Variants in RAB40B observed in about 807,000 individuals in gnomAD.
RAB40B encodes the protein ras-related protein Rab-40B.
RAB40B carries 21 observed loss-of-function variants against 24.0 expected under a neutral mutation model. The ratio of observed to expected loss-of-function variants is 0.88; its 90% confidence interval spans 0.62 to 1.26. The LOEUF is 1.26. Among genes scored for constraint, RAB40B ranks in the 50% most tolerant of loss-of-function variants. The probability of loss-of-function intolerance (pLI) is 0.00; values close to 1 mark genes in which losing one functional copy is unlikely to be tolerated. For missense variants in RAB40B, 348 were observed against 390.5 expected, an observed-to-expected ratio of 0.89 and a Z score of 0.92; for synonymous variants, 167 against 169.8, an observed-to-expected ratio of 0.98 and a Z score of 0.13.
At chr17:82,673,311 A>G (rs2046359129) in intron 1 of RAB40B, among the ~76,000 whole-genome samples, 1 of 152,194 alleles carries the variant, frequency 6.6e-6, no homozygotes, top group African/African-American at 2.4e-5. Flanking sequence ...CCAACTATCT[A>G]AATCTGCTCT....
rs764583570 is a variant in RAB40B at position 82,657,899 on chromosome 17, G to T, written c.801C>A (p.Pro267=). The T allele has an allele frequency of 3.7e-6, 6 of 1,612,386 alleles. No homozygotes were observed. Among genetic ancestry groups the T allele is most frequent in the Admixed American group, 3.3e-5 (2 of 59,856 alleles). ...TGCAGCTGTTTCTGGTGCAGTTTTT[G>T]GGGGGGCTCTGGGGGGGGCGGACGA... is the stretch of plus-strand genomic sequence containing the variant. ...VKLVRPPQSP[P]KNCTRNSCKI... The change falls in exon 6 of 6, where the codon CCC becomes CCA. Residue 267 remains proline (P), a synonymous_variant. Transcript: ENST00000571995.
chr17:82,677,737 G>A (rs749021840), intron 1 of RAB40B, among the ~76,000 whole-genome samples: 1 of 152,186 alleles, frequency 6.6e-6, no homozygotes, highest in Non-Finnish European at 1.5e-5. Flanking sequence ...TCCTCTTTGC[G>A]CAGGACACTT....
At chr17:82,659,018 C>T (rs1489260824) in intron 4 of RAB40B, 1 of 354,024 alleles carries the variant, frequency 2.8e-6, no homozygotes, top group Admixed American at 4.3e-5. Context: ...AGGGAGGGCC[C>T]AGGGTTGCTG....
Position 82,677,391 on chromosome 17 carries a change from A to G in RAB40B, c.143-12835T>C, listed in dbSNP as rs139132148. Among the ~76,000 whole-genome samples the G allele has an allele frequency of 1.4e-4, 22 of 152,352 alleles. No individual in the cohort carries two copies. The South Asian group carries it at 3.5e-3, about 24-fold the overall frequency. ...TTCCCCTCAGAAAGAGCTAAAACCA[A>G]TCACTGGTTTCTCCCGTCCCAACAG... On this transcript the variant is annotated intron_variant, in intron 1 of 5. Coordinates refer to ENST00000571995, the MANE Select transcript of RAB40B (RefSeq NM_006822.3).
rs10438709 is a variant in RAB40B, at chr17:82,679,676, G to A, written c.143-15120C>T. Among the ~76,000 whole-genome samples the A allele has an allele frequency of 2.9e-3, 435 of 152,346 alleles. 3 individuals are homozygous for A. The highest frequency in any genetic ancestry group is 0.01 in the African/African-American group (423 of 41,574). On this transcript the variant is annotated intron_variant, in intron 1 of 5. Transcript: ENST00000571995. ...CATCAGGCTGGACAAGTGCTGCAGA[G>A]GCCACGCCAACCCTGTGCGGCCACT...
At chr17:82,672,899 T>C (rs577641678) in intron 1 of RAB40B, among the ~76,000 whole-genome samples, 1 of 152,348 alleles carries the variant, frequency 6.6e-6, no homozygotes, top group Non-Finnish European at 1.5e-5. Context: ...TTGTTTCTAC[T>C]GGAGTTAAAA....
In RAB40B at chr17:82,674,561, C is replaced by T. The variant is rs1239223734; in HGVS notation, c.143-10005G>A. Among the ~76,000 whole-genome samples, 2 of 144,770 alleles carry T rather than the reference C, an allele frequency of 1.4e-5. 1 individual carries two copies. The highest frequency in any genetic ancestry group is 3.0e-5 in the Non-Finnish European group (2 of 65,658). 95.0% of individuals were successfully genotyped at this position (144,770 alleles called of 152,430 possible). A position where few individuals can be genotyped will look rare whatever the true frequency, so the allele number is the denominator to read the frequency against. The stretch of plus-strand genomic sequence containing the variant: ...GGCTGAGGCAGGAGAATGGCGTGAA[C>T]CCAGGAGGCGGAGCTTGCAGTGAGC... On this transcript the variant is annotated intron_variant, in intron 1 of 5. Transcript: ENST00000571995.
At chr17:82,677,183 G>A (rs991141610) in intron 1 of RAB40B, among the ~76,000 whole-genome samples, 2 of 148,996 alleles carry the variant, frequency 1.3e-5, no homozygotes, top group Non-Finnish European at 3.0e-5. Context: ...CCCTGACCTC[G>A]TGATCCACCT....
chr17:82,671,636 C>G (rs1188774008), intron 1 of RAB40B, among the ~76,000 whole-genome samples: 5 of 83,246 alleles, frequency 6.0e-5, no homozygotes, highest in Admixed American at 4.4e-4. Flanking sequence ...CCCCGTAACT[C>G]TAACACACAC....
chr17:82,683,845 G>A (rs2046469381), intron 1 of RAB40B, among the ~76,000 whole-genome samples: 1 of 150,234 alleles, frequency 6.7e-6, no homozygotes, highest in Non-Finnish European at 1.5e-5. Context: ...AAAAGAAAAA[G>A]TGGGCAAAAG....
At position 82,657,396 on chromosome 17, in the gene RAB40B, C is replaced by A; in HGVS notation, c.*467G>T. The A allele has an allele frequency of 3.2e-6, 1 of 312,154 alleles. No homozygotes were observed. 19.3% of individuals were successfully genotyped at this position (312,154 alleles called of 1,614,324 possible). On this transcript the variant is annotated 3_prime_UTR_variant, in exon 6 of 6. Transcript: ENST00000571995. ...CAGTTGCACATAACCTCTACATCTG[C>A]AGCGTTTTATAAATTGGCGCTTTGA...
At chr17:82,682,352 TA>T (rs35765887) in intron 1 of RAB40B, among the ~76,000 whole-genome samples, 1 of 151,844 alleles carries the variant, frequency 6.6e-6, no homozygotes, top group East Asian at 1.9e-4. Flanking sequence ...AGTATAAATC[TA>T]AAAAAAAGTG....
At position 82,658,716 on chromosome 17, in the gene RAB40B, A is replaced by G. The variant is rs895247382; in HGVS notation, c.343-3T>C. On this transcript the variant is annotated splice_polypyrimidine_tract_variant and splice_region_variant and intron_variant, in intron 4 of 5. Transcript: ENST00000571995. ...ATCTTGGGGACTCCGGGGGCATGCT[A>G]GCGGGCAGGAGAAAGGCGAGGAGCA... The G allele has an allele frequency of 6.2e-7, 1 of 1,605,142 alleles. No homozygotes were observed. The highest frequency in any genetic ancestry group is 1.3e-5 in the African/African-American group (1 of 74,550).
rs917526076 is a variant in RAB40B, at chr17:82,663,669, G to A, written c.203+827C>T. Among the ~76,000 whole-genome samples the A allele has an allele frequency of 2.6e-5, 4 of 152,054 alleles. No individual in the cohort carries two copies. Among genetic ancestry groups the A allele is most frequent in the Admixed American group, 6.5e-5 (1 of 15,278 alleles). ...GTCTGGGTCCTCCACCCGCAGGCCC[G>A]ACCACAGCCCCGCTGGCACCAGGAC... On this transcript the variant is annotated intron_variant, in intron 2 of 5. Coordinates refer to ENST00000571995, the MANE Select transcript of RAB40B (RefSeq NM_006822.3). This position sits in a 1 kb window ranked among gnomAD's most constrained non-coding sequence, Gnocchi z 6.2.
intron 2 of RAB40B, chr17:82,661,986 G>A (rs1270883690): frequency 7.1e-6 from 7 of 985,144 alleles, no homozygotes; most frequent in Non-Finnish European, 8.4e-6. Flanking sequence ...GACAGCCAGC[G>A]CTGTTTCCCG....
chr17:82,698,481 G>T lies in RAB40B; in HGVS notation c.116C>A (p.Ala39Asp). Residue 39 changes from alanine (A) to aspartate (D), a missense_variant, in exon 1 of 6, where the codon GCC becomes GAC. Coordinates refer to ENST00000571995, the MANE Select transcript of RAB40B (RefSeq NM_006822.3). ...CGCCGGGTGGCCGTACGGGGACTCG[G>T]CCGCGCCATCCTGCAGGCTCGCCAG... ...EILASLQDGA[A>D]ESPYGHPAGI... 1 of 1,495,514 alleles carries T rather than the reference G, an allele frequency of 6.7e-7. No homozygotes were observed. The highest frequency in any genetic ancestry group is 9.0e-7 in the Non-Finnish European group (1 of 1,114,410). 92.6% of individuals were successfully genotyped at this position (1,495,514 alleles called of 1,614,324 possible). A position where few individuals can be genotyped will look rare whatever the true frequency, so the allele number is the denominator to read the frequency against.
intron 4 of RAB40B, chr17:82,659,307 GGCCAAACC>G: frequency 1.1e-5 from 5 of 472,592 alleles, no homozygotes; most frequent in Non-Finnish European, 1.2e-5. Flanking sequence ...GAGTGAAGCA[GGCCAAACC>G]TGACCCCACG....
Position 82,663,747 on chromosome 17 carries a change from G to C in RAB40B, c.203+749C>G, listed in dbSNP as rs1226116983. Among the ~76,000 whole-genome samples, 1 of 152,114 alleles carries C rather than the reference G, an allele frequency of 6.6e-6. No homozygotes were observed. Among genetic ancestry groups the C allele is most frequent in the Non-Finnish European group, 1.5e-5 (1 of 67,994 alleles). Reference sequence around the variant, plus strand: ...TGGCATCACTGAGCCAGGCGTGGGGGACCCAGGAGCCCCGGGCTGCCTCAA... The same window carrying C: ...TGGCATCACTGAGCCAGGCGTGGGGCACCCAGGAGCCCCGGGCTGCCTCAA... On this transcript the variant is annotated intron_variant, in intron 2 of 5. Coordinates refer to ENST00000571995, the MANE Select transcript of RAB40B (RefSeq NM_006822.3). The surrounding 1 kb of genome is among the most constrained non-coding windows in gnomAD (Gnocchi z 6.2).
intron 1 of RAB40B, among the ~76,000 whole-genome samples, chr17:82,695,689 C>T (rs767624554): frequency 4.4e-4 from 67 of 150,890 alleles, no homozygotes; most frequent in Middle Eastern, 3.4e-3. Context: ...CCAGCCTGGG[C>T]GGCAGAGAAG....
Sources: allele counts gnomAD v4.1 joint callset (sites outside exome capture counted in the v4.1 genomes callset), GRCh38; gene constraint gnomAD v4.1.1; non-coding constraint Gnocchi (gnomAD v3.1); transcripts MANE v1.5; gene names NCBI Gene and HGNC (gene_info 2026-07-23, HGNC 2026-07-21).